HIBADH: variants seen among roughly 807,000 people sequenced by gnomAD.
HIBADH encodes 3-hydroxyisobutyrate dehydrogenase, also known as 3-hydroxyisobutyrate dehydrogenase, mitochondrial.
Under a neutral mutation model 36.1 loss-of-function variants are expected in HIBADH, and 25 were observed. The observed-to-expected ratio is 0.69, with a 90% confidence interval of 0.50 to 0.97. The LOEUF is 0.97. Among genes scored for constraint, HIBADH ranks in the 50% least tolerant of loss-of-function variants. The probability of loss-of-function intolerance (pLI) is 0.00; values close to 1 mark genes in which losing one functional copy is unlikely to be tolerated. For synonymous variants in HIBADH, 160 were observed against 149.5 expected, an observed-to-expected ratio of 1.07 and a Z score of -0.51; for missense variants, 421 against 418.0, an observed-to-expected ratio of 1.01 and a Z score of -0.06.
Position 27,544,044 on chromosome 7 carries a change from A to G in HIBADH, c.485-944T>C, listed in dbSNP as rs75662432. On this transcript the variant is annotated intron_variant, in intron 4 of 7. Transcript: ENST00000265395. The stretch of plus-strand genomic sequence containing the variant: ...TTTTCAAGTTAGGCTTTATTTTTCA[A>G]AACTTCCCAGGCAAGTATGTGGAAG... 9.6e-3 allele frequency among the ~76,000 whole-genome samples: 1,456 copies of G among 152,318 alleles called. 13 individuals are homozygous for G. Among genetic ancestry groups the G allele is most frequent in the Non-Finnish European group, 0.014 (961 of 68,016 alleles).
intron 4 of HIBADH, among the ~76,000 whole-genome samples, chr7:27,553,046 C>T (rs1784340847): frequency 6.6e-6 from 1 of 152,098 alleles, no homozygotes; most frequent in African/African-American, 2.4e-5. Flanking sequence ...AAAGCTATAC[C>T]TTGCTCTTAC....
chr7:27,552,391 AG>A (rs1167002788), intron 4 of HIBADH, among the ~76,000 whole-genome samples: 1 of 152,230 alleles, frequency 6.6e-6, no homozygotes, highest in Non-Finnish European at 1.5e-5. Context: ...TTCTGGAGTC[AG>A]ATAAACAAAG....
At chr7:27,538,198 T>G (rs1784094387) in intron 6 of HIBADH, 143 bp downstream of exon 6, 1 of 658,906 alleles carries the variant, frequency 1.5e-6, no homozygotes, top group East Asian at 2.7e-5. Context: ...AAGCAAAGTC[T>G]ATTAAAGTTC....
At chr7:27,583,083 G>A (rs1784816563) in intron 4 of HIBADH, among the ~76,000 whole-genome samples, 2 of 151,978 alleles carry the variant, frequency 1.3e-5, no homozygotes, top group Non-Finnish European at 2.9e-5. Context: ...TTTACTTTCT[G>A]TATTACAGCT....
chr7:27,597,302 A>G (rs1374690450), intron 4 of HIBADH, among the ~76,000 whole-genome samples: 1 of 152,190 alleles, frequency 6.6e-6, no homozygotes, highest in Non-Finnish European at 1.5e-5. Context: ...CTCAGTGCCT[A>G]CCAGATAGTA....
At chr7:27,659,916 G>C in intron 1 of HIBADH, among the ~76,000 whole-genome samples, 1 of 152,076 alleles carries the variant, frequency 6.6e-6, no homozygotes, top group East Asian at 1.9e-4. Flanking sequence ...AAATTAGCTA[G>C]GTATCGTGGT....
At chr7:27,561,384 T>TA (rs1434035866) in intron 4 of HIBADH, among the ~76,000 whole-genome samples, 1 of 152,106 alleles carries the variant, frequency 6.6e-6, no homozygotes, top group African/African-American at 2.4e-5. Flanking sequence ...CTAAAAAAAA[T>TA]AAATTCTTTA....
At chr7:27,550,036 T>C (rs1784296479) in intron 4 of HIBADH, among the ~76,000 whole-genome samples, 1 of 152,036 alleles carries the variant, frequency 6.6e-6, no homozygotes, top group African/African-American at 2.4e-5. Flanking sequence ...GCCTCCCGAG[T>C]AGCTGGGACT....
At chr7:27,542,849 A>G in intron 5 of HIBADH, 118 bp downstream of exon 5, 1 of 1,147,738 alleles carries the variant, frequency 8.7e-7, no homozygotes, top group Non-Finnish European at 1.2e-6. Flanking sequence ...ATGTTTTAAA[A>G]TCTGAGCAAA....
intron 1 of HIBADH, 28 bp from the exon 2 acceptor site, chr7:27,649,661 G>A (rs1434149616): frequency 1.3e-6 from 2 of 1,502,996 alleles, no homozygotes; most frequent in Admixed American, 2.1e-5. Flanking sequence ...TTTTCAATAG[G>A]GGCAAATAAC....
intron 4 of HIBADH, among the ~76,000 whole-genome samples, chr7:27,581,961 C>T (rs187601092): frequency 2.0e-5 from 3 of 152,022 alleles, no homozygotes; most frequent in African/African-American, 4.8e-5. Flanking sequence ...TTTAAAGTGA[C>T]GCATACTTAT....
Position 27,543,113 on chromosome 7 carries a change from G to A in HIBADH, c.485-13C>T. 2 of 1,612,860 alleles carry A rather than the reference G, an allele frequency of 1.2e-6. No individual in the cohort carries two copies. The highest frequency in any genetic ancestry group is 8.5e-7 in the Non-Finnish European group (1 of 1,179,406). ...GCAGCTCCTACACCTGAATCATTTG[G>A]GGGTAAAGGGATAGAAGCAAAAGAA... is the stretch of plus-strand genomic sequence containing the variant. On this transcript the variant is annotated splice_polypyrimidine_tract_variant and intron_variant, in intron 4 of 7. Transcript: ENST00000265395.
intron 2 of HIBADH, among the ~76,000 whole-genome samples, chr7:27,645,757 T>C (rs1562657506): frequency 6.6e-6 from 1 of 152,114 alleles, no homozygotes; most frequent in Non-Finnish European, 1.5e-5. Context: ...TCATATATCT[T>C]CCTGGGAGAA....
chr7:27,570,980 T>G (rs968356452), intron 4 of HIBADH, among the ~76,000 whole-genome samples: 5 of 152,162 alleles, frequency 3.3e-5, no homozygotes, highest in Admixed American at 2.0e-4. Flanking sequence ...GAACTCCAAT[T>G]AGATGCATGC....
At chr7:27,542,188 T>C (rs1051524286) in intron 5 of HIBADH, among the ~76,000 whole-genome samples, 5 of 152,174 alleles carry the variant, frequency 3.3e-5, no homozygotes, top group Non-Finnish European at 5.9e-5. Flanking sequence ...ATGTGGTTCA[T>C]CTGTTTTTTC....
intron 4 of HIBADH, among the ~76,000 whole-genome samples, chr7:27,562,207 G>A (rs1784477867): frequency 1.3e-5 from 2 of 151,526 alleles, no homozygotes; most frequent in South Asian, 4.2e-4. Flanking sequence ...TTCCTTTACT[G>A]GTTTGGAAAT....
At chr7:27,532,612 CTGCTA>C (rs1461908169) in intron 6 of HIBADH, among the ~76,000 whole-genome samples, 1 of 152,198 alleles carries the variant, frequency 6.6e-6, no homozygotes, top group East Asian at 1.9e-4. Context: ...GGTTCCCAGA[CTGCTA>C]TGTGGCATAT....
At chr7:27,611,007 G>A (rs1459099885) in intron 4 of HIBADH, among the ~76,000 whole-genome samples, 2 of 152,152 alleles carry the variant, frequency 1.3e-5, no homozygotes, top group Admixed American at 6.5e-5. Flanking sequence ...ACCTCTCTAA[G>A]AGAAATTTCT....
At chr7:27,588,247 TA>T (rs1423367690) in intron 4 of HIBADH, among the ~76,000 whole-genome samples, 2 of 152,232 alleles carry the variant, frequency 1.3e-5, no homozygotes, top group African/African-American at 4.8e-5. Context: ...CTTCATTTGC[TA>T]AGTGAACTTG....
Sources: allele counts gnomAD v4.1 joint callset (sites outside exome capture counted in the v4.1 genomes callset), GRCh38; gene constraint gnomAD v4.1.1; transcripts MANE v1.5; gene names NCBI Gene and HGNC (gene_info 2026-07-23, HGNC 2026-07-21).